The following INPP5F variants were observed in gnomAD, a reference collection of about 807,000 sequenced individuals.
INPP5F encodes phosphatidylinositide 4-phosphatase SAC2.
INPP5F carries 97 observed loss-of-function variants against 137.2 expected under a neutral mutation model. The observed-to-expected ratio is 0.71, with a 90% CI of 0.60 to 0.84. The LOEUF is 0.84. Among genes scored for constraint, INPP5F ranks in the 40% least tolerant of loss-of-function variants. The pLI is 0.00. For synonymous variants in INPP5F, 504 were observed against 476.9 expected (o/e 1.06, Z -0.74); for missense variants, 1,271 against 1,371.9 (o/e 0.93, Z 1.16).
rs1213788060 is a variant in INPP5F, at chr10:119,766,017, C to G, written c.178+14861C>G. Among the ~76,000 whole-genome samples, 8 of 151,738 alleles carry G rather than the reference C, an allele frequency of 5.3e-5. No individual in the cohort carries two copies. The East Asian group carries it at 5.8e-4, about 11-fold the overall frequency. ...GGCTGCCATCTGCAATCTGGAGAAC[C>G]AGGAAAGCTGGTGGTATAGTTCCAG... is the stretch of plus-strand genomic sequence containing the variant. On this transcript the variant is annotated intron_variant, in intron 2 of 19. Transcript: ENST00000650623.
At chr10:119,811,269 C>T (rs540696310) in intron 14 of INPP5F, among the ~76,000 whole-genome samples, 197 of 152,006 alleles carry the variant, frequency 1.3e-3, no homozygotes, top group African/African-American at 4.0e-3. Flanking sequence ...GGTCTTCTTT[C>T]GCTGAAGCCT....
chr10:119,769,698 C>T (rs76140582), intron 2 of INPP5F, among the ~76,000 whole-genome samples: 3 of 152,300 alleles, frequency 2.0e-5, no homozygotes, highest in African/African-American at 7.2e-5. Context: ...GACATCAGAG[C>T]TCCTGGTTCT....
rs1281062266 is a variant in INPP5F at position 119,827,695 on chromosome 10, C to T, written c.3314C>T (p.Pro1105Leu). ...GTGTCAAAAGTTCAGAAGAGTCCTC[C>T]AGAACCTGAAATCATTAATCAAGTC... ...FAVSKVQKSP[P>L]EPEIINQVQQ... Residue 1105 changes from proline (P) to leucine (L), a missense_variant, in exon 20 of 20, where the codon CCA (proline) becomes CTA (leucine). Physicochemically the swap from Pro to Leu is moderately conservative, Grantham distance 98 (BLOSUM62 -3). Around this residue, in one of 6 missense-constraint regions of INPP5F, gnomAD observed 490 missense variants for 443.7 expected, o/e 1.10. Coordinates refer to ENST00000650623, the MANE Select transcript of INPP5F (RefSeq NM_014937.4). The T allele has an allele frequency of 1.9e-6, 3 of 1,613,878 alleles. No individual in the cohort carries two copies. Among genetic ancestry groups the T allele is most frequent in the South Asian group, 1.1e-5 (1 of 91,076 alleles).
At position 119,827,929 on chromosome 10, in the gene INPP5F, T is replaced by C; in HGVS notation, c.*149T>C. The C allele has an allele frequency of 1.6e-6, 1 of 635,214 alleles. No individual in the cohort carries two copies. The highest frequency in any genetic ancestry group is 2.7e-6 in the Non-Finnish European group (1 of 374,512). 39.3% of individuals were successfully genotyped at this position (635,214 alleles called of 1,614,324 possible). A position where few individuals can be genotyped will look rare whatever the true frequency, so the allele number is the denominator to read the frequency against. On this transcript the variant is annotated 3_prime_UTR_variant, in exon 20 of 20. Coordinates refer to ENST00000650623, the MANE Select transcript of INPP5F (RefSeq NM_014937.4). ...TAAACGGAGTCGGAACCTGAGTAGA[T>C]TTCCAAATTTTACAGCCAGGACTAC...
At chr10:119,771,110 A>G (rs1337398906) in intron 2 of INPP5F, among the ~76,000 whole-genome samples, 1 of 152,126 alleles carries the variant, frequency 6.6e-6, no homozygotes, top group Non-Finnish European at 1.5e-5. Context: ...CATTACCCCT[A>G]CACCAGCTCC....
At chr10:119,788,192 G>A (rs903026550) in intron 3 of INPP5F, among the ~76,000 whole-genome samples, 10 of 152,146 alleles carry the variant, frequency 6.6e-5, no homozygotes, top group Admixed American at 2.6e-4. Context: ...CAGGTGTTGC[G>A]CAGTTCTAGA....
chr10:119,753,856 T>A (rs1179033893), intron 2 of INPP5F, among the ~76,000 whole-genome samples: 1 of 152,182 alleles, frequency 6.6e-6, no homozygotes, highest in Non-Finnish European at 1.5e-5. Context: ...ACACACTTTT[T>A]AATGAAGAAC....
intron 7 of INPP5F, 37 bp downstream of exon 7, chr10:119,796,950 C>T (rs772877605): frequency 6.4e-7 from 1 of 1,553,524 alleles, no homozygotes; most frequent in East Asian, 2.2e-5. Flanking sequence ...AAATCAAATC[C>T]AGGCGAGAAT....
chr10:119,804,024 T>C (rs1214486749), intron 9 of INPP5F, 149 bp from the exon 10 acceptor site: 1 of 535,500 alleles, frequency 1.9e-6, no homozygotes, highest in African/African-American at 1.9e-5. Flanking sequence ...TTTGAGTGGA[T>C]TAATTTCTAA....
chr10:119,765,546 ATTT>A (rs36034689), intron 2 of INPP5F, among the ~76,000 whole-genome samples: 5 of 129,812 alleles, frequency 3.9e-5, no homozygotes, highest in Non-Finnish European at 1.6e-5. Flanking sequence ...TAATTTTTGT[ATTT>A]TTTTTTTTTT....
intron 1 of INPP5F, among the ~76,000 whole-genome samples, chr10:119,749,110 A>G (rs1251754749): frequency 7.9e-5 from 12 of 152,212 alleles, no homozygotes; most frequent in East Asian, 1.9e-4. Flanking sequence ...CTTGCTCTGC[A>G]CCAGAGCAGG....
At chr10:119,756,486 AT>A (rs1848845553) in intron 2 of INPP5F, among the ~76,000 whole-genome samples, 1 of 151,770 alleles carries the variant, frequency 6.6e-6, no homozygotes, top group Non-Finnish European at 1.5e-5. Context: ...AAATACAAAA[AT>A]TAGCTGGGTG....
chr10:119,806,310 A>T, intron 11 of INPP5F, 50 bp from the exon 12 acceptor site: 1 of 1,327,244 alleles, frequency 7.5e-7, no homozygotes, highest in Non-Finnish European at 1.0e-6. Context: ...TGTCTTTTGA[A>T]AACCCTATTA....
At chr10:119,822,700 G>T (rs955651860) in intron 17 of INPP5F, among the ~76,000 whole-genome samples, 196 bp downstream of exon 17, 9 of 152,182 alleles carry the variant, frequency 5.9e-5, no homozygotes, top group Non-Finnish European at 1.3e-4. Context: ...AGAAATGTCG[G>T]CTCTTCTTAC....
At chr10:119,768,176 T>C (rs1418917688) in intron 2 of INPP5F, 1 of 152,216 alleles carries the variant, frequency 6.6e-6, no homozygotes, top group Non-Finnish European at 1.5e-5. Flanking sequence ...CAAAAGACTT[T>C]GGAGTATATA....
At chr10:119,741,699 T>A (rs962842213) in intron 1 of INPP5F, among the ~76,000 whole-genome samples, 4 of 152,044 alleles carry the variant, frequency 2.6e-5, no homozygotes, top group African/African-American at 9.7e-5. Context: ...CATGCCTGGC[T>A]AATTTTTGTA....
chr10:119,745,305 C>A (rs1848497492), intron 1 of INPP5F, among the ~76,000 whole-genome samples: 1 of 151,554 alleles, frequency 6.6e-6, no homozygotes, highest in African/African-American at 2.4e-5. Flanking sequence ...TCCCTAAGCT[C>A]TTTTTCTTTT....
intron 2 of INPP5F, among the ~76,000 whole-genome samples, chr10:119,770,900 CAGA>C (rs1428578425): frequency 1.3e-5 from 2 of 152,040 alleles, no homozygotes; most frequent in Non-Finnish European, 1.5e-5. Context: ...TTTTGTTCTT[CAGA>C]AGGAGATTTT....
Position 119,791,972 on chromosome 10 carries a change from A to T in INPP5F, c.548A>T (p.Asp183Val). ...TCCTTTTATTATAGCTTGACCTATG[A>T]CCTGACCAATTCCGTGCAGAGGCAG... The part of the protein sequence containing the change: ...SESFYYSLTY[D>V]LTNSVQRQST... The change falls in exon 5 of 20, where the codon GAC becomes GTC. Residue 183 changes from aspartate to valine, a missense_variant. Asp to Val is a radical substitution (Grantham distance 152). Around this residue, in one of 6 missense-constraint regions of INPP5F, gnomAD observed 593 missense variants for 712.4 expected, o/e 0.83. Coordinates refer to ENST00000650623, the MANE Select transcript of INPP5F (RefSeq NM_014937.4). 6.2e-7 allele frequency: 1 copy of T among 1,614,230 alleles called. No individual in the cohort carries two copies. Among genetic ancestry groups the T allele is most frequent in the Non-Finnish European group, 8.5e-7 (1 of 1,180,036 alleles).
Sources: allele counts gnomAD v4.1 joint callset (sites outside exome capture counted in the v4.1 genomes callset), GRCh38; gene constraint gnomAD v4.1.1; regional missense constraint gnomAD v4.1.1; transcripts MANE v1.5; gene names NCBI Gene and HGNC (gene_info 2026-07-23, HGNC 2026-07-21).